GAL3ST4: variants seen among roughly 807,000 people sequenced by gnomAD.
GAL3ST4 encodes the protein beta-galactose-3-O-sulfotransferase 4.
GAL3ST4 carries 30 observed loss-of-function variants against 31.6 expected under a neutral mutation model. The ratio of observed to expected loss-of-function variants is 0.95; its 90% CI spans 0.71 to 1.29. GAL3ST4 has a LOEUF of 1.29. Among genes scored for constraint, GAL3ST4 ranks in the 50% most tolerant of loss-of-function variants. The pLI is 0.00. For synonymous variants in GAL3ST4, 248 were observed against 256.9 expected (o/e 0.97, Z 0.33); for missense variants, 629 against 625.2 (o/e 1.01, Z -0.06).
chr7:100,167,064 C>T lies in GAL3ST4; in HGVS notation c.32G>A (p.Arg11Gln), dbSNP rs752372982. 6.4e-6 allele frequency: 10 copies of T among 1,557,580 alleles called. No individual in the cohort carries two copies. Among genetic ancestry groups the T allele is most frequent in the Middle Eastern group, 1.7e-4 (1 of 5,978 alleles). ...CCCCAGGCTCCGAGGTCCCCAGAGC[C>T]GCAGCGTCCTGGCAGGAGAGAGAGG... MGPLSPARTLRLWGPRSLGVA... is the reference protein window; with the variant it reads MGPLSPARTLQLWGPRSLGVA... The change falls in exon 2 of 4, where the codon CGG becomes CAG. Residue 11 changes from arginine to glutamine, a missense_variant. Coordinates refer to ENST00000360039, the MANE Select transcript of GAL3ST4 (RefSeq NM_024637.5).
chr7:100,163,061 T>C (rs1228248264), intron 3 of GAL3ST4, among the ~76,000 whole-genome samples: 2 of 152,136 alleles, frequency 1.3e-5, no homozygotes, highest in African/African-American at 4.8e-5. Flanking sequence ...GGAGGGGGCA[T>C]CACTGGCAAC....
chr7:100,164,792 C>G (rs1279397951), intron 3 of GAL3ST4, among the ~76,000 whole-genome samples: 1 of 152,168 alleles, frequency 6.6e-6, no homozygotes. Context: ...TCGGAAGAAG[C>G]CTCGACTTTG....
intron 3 of GAL3ST4, among the ~76,000 whole-genome samples, chr7:100,164,764 C>T (rs1799047888): frequency 6.6e-6 from 1 of 152,324 alleles, no homozygotes. Context: ...ATTCCAGATA[C>T]AAACACATGC....
intron 3 of GAL3ST4, among the ~76,000 whole-genome samples, chr7:100,162,544 C>CAAA (rs535834382): frequency 1.4e-5 from 1 of 71,642 alleles, no homozygotes; most frequent in Non-Finnish European, 2.8e-5. Flanking sequence ...GACTCTGTCT[C>CAAA]AAAAAAAAAA....
rs1798964576 is a variant in GAL3ST4 at position 100,159,735 on chromosome 7, TG to T, written c.*192del. On this transcript the variant is annotated 3_prime_UTR_variant, in exon 4 of 4. Transcript: ENST00000360039. The stretch of plus-strand genomic sequence containing the variant: ...ACTCCGTTTCAAAAAAAAAAAAAGT[TG>T]GGGGGAAAGAACAAAATGAGTGGAG... The T allele has an allele frequency of 9.5e-6, 5 of 525,464 alleles. No homozygotes were observed. Among genetic ancestry groups the T allele is most frequent in the Middle Eastern group, 5.1e-4 (1 of 1,976 alleles). The allele number at this position is 525,464 out of a possible 1,614,324, so 32.6% of individuals were successfully genotyped here.
intron 3 of GAL3ST4, 71 bp from the exon 4 acceptor site, chr7:100,161,030 A>C: frequency 7.5e-7 from 1 of 1,339,166 alleles, no homozygotes. Flanking sequence ...TGCACAAGCC[A>C]TGTGTCCGCT....
intron 1 of GAL3ST4, chr7:100,167,992 A>G (rs1442915803): frequency 2.2e-5 from 3 of 136,204 alleles, no homozygotes; most frequent in Admixed American, 1.7e-4. Flanking sequence ...AGAGGGAGAC[A>G]GAAAGAGAGA....
chr7:100,160,248 T>G lies in GAL3ST4; in HGVS notation c.1141A>C (p.Ile381Leu). 1 of 1,614,076 alleles carries G rather than the reference T, an allele frequency of 6.2e-7. No individual in the cohort carries two copies. Among genetic ancestry groups the G allele is most frequent in the Non-Finnish European group, 8.5e-7 (1 of 1,180,028 alleles). ...AGCCGGCCCTGGCCGTATTTCTCTA[T>G]CCGTGCCCAGAGACTGCGGTTGAAG... The part of the protein sequence containing the change: ...VHFNRSLWAR[I>L]EKYGQGRLQT... The change falls in exon 4 of 4, where the codon ATA becomes CTA. Residue 381 changes from isoleucine (I) to leucine (L), a missense_variant. Ile to Leu is a conservative substitution (Grantham distance 5). Coordinates refer to ENST00000360039, the MANE Select transcript of GAL3ST4 (RefSeq NM_024637.5).
intron 1 of GAL3ST4, 42 bp from the exon 2 acceptor site, chr7:100,167,325 A>G: frequency 9.8e-7 from 1 of 1,020,808 alleles, no homozygotes; most frequent in Non-Finnish European, 1.4e-6. Flanking sequence ...GTCTAAGGAG[A>G]GAGGCAGAGG....
rs149908309 is a variant in GAL3ST4 at position 100,160,535 on chromosome 7, G to T, written c.854C>A (p.Ser285Tyr). ...SPASFDLGSS[S>Y]FIQWGLAWLD... The stretch of plus-strand genomic sequence containing the variant: ...CCATGCCAGACCCCACTGGATGAAG[G>T]ATGAAGACCCCAAATCGAAAGAGGC... Residue 285 changes from serine to tyrosine, a missense_variant, in exon 4 of 4, where the codon TCC (serine) becomes TAC (tyrosine). Ser to Tyr is a moderately radical substitution (Grantham distance 144). Coordinates refer to ENST00000360039, the MANE Select transcript of GAL3ST4 (RefSeq NM_024637.5). 858 of 1,614,014 alleles carry T rather than the reference G, an allele frequency of 5.3e-4. 2 individuals carry two copies. The highest frequency in any genetic ancestry group is 1.0e-3 in the Admixed American group (61 of 60,026).
In GAL3ST4 at chr7:100,159,682, T is replaced by C. The variant is rs1438309903; in HGVS notation, c.*246A>G. ...TTGCAGTGAGCCGAGATCATGCCAC[T>C]GCACTCCAGCCTGGGGGACAGAGCA... On this transcript the variant is annotated 3_prime_UTR_variant, in exon 4 of 4. Transcript: ENST00000360039. 5 of 426,524 alleles carry C rather than the reference T, an allele frequency of 1.2e-5. No homozygotes were observed. The highest frequency in any genetic ancestry group is 2.1e-5 in the Non-Finnish European group (5 of 239,002). The allele number at this position is 426,524 out of a possible 1,614,324, so 26.4% of individuals were successfully genotyped here.
chr7:100,167,395 T>C (rs1419726042), intron 1 of GAL3ST4, 112 bp from the exon 2 acceptor site: 1 of 518,178 alleles, frequency 1.9e-6, no homozygotes, highest in East Asian at 3.9e-5. Context: ...GCTGGGGATG[T>C]TGTCTATACC....
In GAL3ST4 at chr7:100,159,879, G is replaced by T; in HGVS notation, c.*49C>A. ...TCTTGCTGCCCCCCACTCATCACAT[G>T]TGCCCTTCAAACATGGCTGCTCTTC... is the stretch of plus-strand genomic sequence containing the variant. On this transcript the variant is annotated 3_prime_UTR_variant, in exon 4 of 4. Coordinates refer to ENST00000360039, the MANE Select transcript of GAL3ST4 (RefSeq NM_024637.5). 1 of 1,457,982 alleles carries T rather than the reference G, an allele frequency of 6.9e-7. No individual in the cohort carries two copies. The highest frequency in any genetic ancestry group is 9.4e-7 in the Non-Finnish European group (1 of 1,063,672). The allele number at this position is 1,457,982 out of a possible 1,614,324, so 90.3% of individuals were successfully genotyped here.
chr7:100,163,098 G>C (rs917307448), intron 3 of GAL3ST4, among the ~76,000 whole-genome samples: 1 of 152,146 alleles, frequency 6.6e-6, no homozygotes, highest in African/African-American at 2.4e-5. Context: ...TGCCATCTCG[G>C]GCATAGGCAG....
At chr7:100,165,750 G>T (rs896392472) in intron 3 of GAL3ST4, among the ~76,000 whole-genome samples, 1 of 150,820 alleles carries the variant, frequency 6.6e-6, no homozygotes, top group Non-Finnish European at 1.5e-5. Context: ...GAGCCCAGGA[G>T]TTTGAGGTTA....
rs780918329 is a variant in GAL3ST4 at position 100,160,448 on chromosome 7, A to G, written c.941T>C (p.Leu314Pro). Residue 314 changes from leucine (L) to proline (P), a missense_variant, in exon 4 of 4, where the codon CTG (leucine) becomes CCG (proline). Leu to Pro is a moderately conservative substitution (Grantham distance 98, BLOSUM62 -3). Coordinates refer to ENST00000360039, the MANE Select transcript of GAL3ST4 (RefSeq NM_024637.5). ...AEYFDESLVL[L>P]ADALCWGLDD... ...TAGACCCCAGCACAGGGCATCTGCCAGCAGAACCAATGACTCATCGAAGTA... is the reference window on the plus strand; with the variant it reads ...TAGACCCCAGCACAGGGCATCTGCCGGCAGAACCAATGACTCATCGAAGTA... 1.9e-5 allele frequency: 31 copies of G among 1,614,056 alleles called. No homozygotes were observed. The Admixed American group carries it at 4.3e-4, about 23-fold the overall frequency.
chr7:100,165,024 A>G (rs1454353238), intron 3 of GAL3ST4, among the ~76,000 whole-genome samples: 1 of 150,718 alleles, frequency 6.6e-6, no homozygotes, highest in Non-Finnish European at 1.5e-5. Flanking sequence ...ACGGGCACCC[A>G]CCACCATGCC....
chr7:100,167,488 G>C (rs1242024123), intron 1 of GAL3ST4: 3 of 233,128 alleles, frequency 1.3e-5, no homozygotes, highest in African/African-American at 2.3e-5. Flanking sequence ...CCCACCTACA[G>C]TTGTCCCTGA....
Position 100,167,287 on chromosome 7 carries a change from G to T in GAL3ST4, c.-188-4C>A. On this transcript the variant is annotated splice_polypyrimidine_tract_variant and splice_region_variant and intron_variant, in intron 1 of 3. Coordinates refer to ENST00000360039, the MANE Select transcript of GAL3ST4 (RefSeq NM_024637.5). Reference sequence around the variant, plus strand: ...AGATTTTTGCCTCTGTCAGCGTCTAGAAGGGAAATGAGGGGGGAAGAAGGG... The same window carrying T: ...AGATTTTTGCCTCTGTCAGCGTCTATAAGGGAAATGAGGGGGGAAGAAGGG... 7.3e-7 allele frequency: 1 copy of T among 1,371,096 alleles called. No individual in the cohort carries two copies. The allele number at this position is 1,371,096 out of a possible 1,614,324, so 84.9% of individuals were successfully genotyped here. A position where few individuals can be genotyped will look rare whatever the true frequency, so the allele number is the denominator to read the frequency against.
Sources: gnomAD v4.1 joint callset for allele counts (sites outside exome capture counted in the v4.1 genomes callset) on GRCh38, gnomAD v4.1.1 for gene constraint, MANE v1.5 for transcripts, NCBI Gene and HGNC (gene_info 2026-07-23, HGNC 2026-07-21) for gene names.